Variants in DYM observed in about 807,000 individuals in gnomAD.
The protein encoded by DYM is dyggve-Melchior-Clausen syndrome protein.
In DYM, 78 loss-of-function variants were observed where a neutral mutation model predicts 93.1. The ratio of observed to expected loss-of-function variants is 0.84; its 90% CI spans 0.70 to 1.01. The LOEUF is 1.01. DYM is among the 50% of genes least tolerant of loss of function. The pLI, the probability that DYM is intolerant of heterozygous loss-of-function variation, is 0.00. For missense variants in DYM, 789 were observed against 845.0 expected, an observed-to-expected ratio of 0.93 and a Z score of 0.82; for synonymous variants, 321 against 319.7, an observed-to-expected ratio of 1.00 and a Z score of -0.04.
At chr18:49,287,212 T>C (rs551670986) in intron 8 of DYM, among the ~76,000 whole-genome samples, 2 of 151,964 alleles carry the variant, frequency 1.3e-5, no homozygotes, top group East Asian at 1.9e-4. Flanking sequence ...AATAAATGCA[T>C]TATGATCAAG....
intron 17 of DYM, among the ~76,000 whole-genome samples, chr18:49,048,654 G>C (rs1037112160): frequency 6.7e-6 from 1 of 148,594 alleles, no homozygotes; most frequent in Non-Finnish European, 1.5e-5. Context: ...CAGAAACTTA[G>C]GCAAGGCTGC....
intron 9 of DYM, among the ~76,000 whole-genome samples, chr18:49,282,420 C>G (rs1198898676): frequency 6.6e-6 from 1 of 152,180 alleles, no homozygotes; most frequent in Non-Finnish European, 1.5e-5. Flanking sequence ...TGAGACCAGG[C>G]TGACCAACAT....
At chr18:49,321,644 T>C (rs2062487060) in intron 8 of DYM, among the ~76,000 whole-genome samples, 1 of 152,160 alleles carries the variant, frequency 6.6e-6, no homozygotes, top group Non-Finnish European at 1.5e-5. Context: ...TTTTGCATCA[T>C]AAACACTATT....
In DYM at chr18:49,037,381, G is replaced by A. The variant is rs1056570969; in HGVS notation, c.*6674C>T. Among the ~76,000 whole-genome samples the A allele has an allele frequency of 5.0e-4, 75 of 151,204 alleles. No individual in the cohort carries two copies. Among genetic ancestry groups the A allele is most frequent in the African/African-American group, 1.8e-3 (73 of 41,210 alleles). ...TAAACATTTAAATATATATGTGTGTGTATATATATATATGAACAATAGACA... is the reference window on the plus strand; with the variant it reads ...TAAACATTTAAATATATATGTGTGTATATATATATATATGAACAATAGACA... On this transcript the variant is annotated 3_prime_UTR_variant, in exon 18 of 18. Transcript: ENST00000675505.
In DYM at chr18:49,395,455, C is replaced by T. The variant is rs533245921; in HGVS notation, c.141-3810G>A. Among the ~76,000 whole-genome samples the T allele has an allele frequency of 6.9e-4, 105 of 151,936 alleles. 1 individual carries two copies. The highest frequency in any genetic ancestry group is 6.9e-4 in the Non-Finnish European group (47 of 67,944). On this transcript the variant is annotated intron_variant, in intron 2 of 17. Coordinates refer to ENST00000675505, the MANE Select transcript of DYM (RefSeq NM_001353214.3). ...GACCAGCCTGACCAACATGGAGAAACCCTATCTCTACTAAAAATACAAAAT... is the reference window on the plus strand; with the variant it reads ...GACCAGCCTGACCAACATGGAGAAATCCTATCTCTACTAAAAATACAAAAT...
At chr18:49,441,018 T>TATATAATATATA (rs2081406268) in intron 1 of DYM, among the ~76,000 whole-genome samples, 1 of 6,624 alleles carries the variant, frequency 1.5e-4, no homozygotes, top group Non-Finnish European at 3.1e-4. Flanking sequence ...TTATATATTA[T>TATATAATATATA]ATATATTTAT....
chr18:49,093,668 G>A lies in DYM; in HGVS notation c.2025+3734C>T, dbSNP rs1384555762. ...GTAGAGATACACGAGGAGTGTGGAT[G>A]TGTGGGGAGGCAGAAGAGAGTGACT... On this transcript the variant is annotated intron_variant, in intron 17 of 17. Transcript: ENST00000675505. 2.0e-5 allele frequency among the ~76,000 whole-genome samples: 3 copies of A among 152,282 alleles called. No individual in the cohort carries two copies. The South Asian group carries it at 6.2e-4, about 32-fold the overall frequency.
At chr18:49,292,499 G>C (rs1217256636) in intron 8 of DYM, among the ~76,000 whole-genome samples, 1 of 147,600 alleles carries the variant, frequency 6.8e-6, no homozygotes, top group Non-Finnish European at 1.5e-5. Context: ...CATAATACTG[G>C]ACAAAGATTC....
chr18:49,127,736 T>C (rs2082954834), intron 15 of DYM, among the ~76,000 whole-genome samples: 1 of 152,194 alleles, frequency 6.6e-6, no homozygotes, highest in Admixed American at 6.5e-5. Context: ...CTGGAAAGCT[T>C]TGTGGCCATG....
chr18:49,387,879 A>G (rs530561029), intron 3 of DYM, among the ~76,000 whole-genome samples: 1 of 152,340 alleles, frequency 6.6e-6, no homozygotes, highest in South Asian at 2.1e-4. Context: ...AAATAAATGT[A>G]CCATACTAAA....
chr18:49,448,467 C>T (rs1045360869), intron 1 of DYM, among the ~76,000 whole-genome samples: 1 of 152,158 alleles, frequency 6.6e-6, no homozygotes, highest in Non-Finnish European at 1.5e-5. Flanking sequence ...GGAAGCCAGG[C>T]AAGTCACACA....
intron 15 of DYM, among the ~76,000 whole-genome samples, chr18:49,129,249 G>A (rs2144011517): frequency 6.6e-6 from 1 of 152,010 alleles, no homozygotes; most frequent in Admixed American, 6.6e-5. Flanking sequence ...TCAAATGTAG[G>A]ATAAATAGGC....
chr18:49,430,197 A>G, intron 2 of DYM, 58 bp downstream of exon 2: 3 of 1,547,070 alleles, frequency 1.9e-6, no homozygotes, highest in Non-Finnish European at 2.7e-6. Context: ...TAATCAGCAT[A>G]CCACACAAGT....
intron 6 of DYM, among the ~76,000 whole-genome samples, chr18:49,344,581 GGAA>G (rs1475604246): frequency 6.6e-6 from 1 of 152,028 alleles, no homozygotes; most frequent in Non-Finnish European, 1.5e-5. Flanking sequence ...AAATCTATCA[GGAA>G]GAAGAGTAGA....
chr18:49,144,643 G>C (rs2084886075), intron 15 of DYM, among the ~76,000 whole-genome samples: 1 of 152,122 alleles, frequency 6.6e-6, no homozygotes, highest in Non-Finnish European at 1.5e-5. Context: ...GTTACAATGA[G>C]TTCAAAGGAC....
At chr18:49,197,379 G>A (rs936376102) in intron 14 of DYM, among the ~76,000 whole-genome samples, 1 of 152,052 alleles carries the variant, frequency 6.6e-6, no homozygotes, top group South Asian at 2.1e-4. Context: ...AAGAAAGCCA[G>A]GAGTATGCTG....
chr18:49,273,622 C>G (rs149328584), intron 10 of DYM, among the ~76,000 whole-genome samples: 1 of 152,012 alleles, frequency 6.6e-6, no homozygotes, highest in African/African-American at 2.4e-5. Flanking sequence ...GTATTTAGTA[C>G]GGTAACATGA....
chr18:49,264,622 G>A (rs750512353), intron 11 of DYM, among the ~76,000 whole-genome samples: 1 of 152,018 alleles, frequency 6.6e-6, no homozygotes, highest in Non-Finnish European at 1.5e-5. Context: ...TACTGTTCCG[G>A]GTCTCTATTC....
chr18:49,123,250 C>A (rs1014890170), intron 15 of DYM, among the ~76,000 whole-genome samples: 7 of 152,084 alleles, frequency 4.6e-5, no homozygotes, highest in Non-Finnish European at 8.8e-5. Context: ...TGGCTTAATA[C>A]TTCCAAATCT....
Sources: gnomAD v4.1 joint callset for allele counts (sites outside exome capture counted in the v4.1 genomes callset) on GRCh38, gnomAD v4.1.1 for gene constraint, MANE v1.5 for transcripts, NCBI Gene and HGNC (gene_info 2026-07-23, HGNC 2026-07-21) for gene names.